Variants in ELP4 observed in about 807,000 individuals in gnomAD.
The protein encoded by ELP4 is elongator complex protein 4.
ELP4 carries 51 observed loss-of-function variants against 48.9 expected under a neutral mutation model. That is an observed-to-expected ratio of 1.04 (90% CI 0.83 to 1.32). The LOEUF (loss-of-function observed/expected upper bound fraction) is 1.32, where lower values mean the gene tolerates loss of function less well. Among genes scored for constraint, ELP4 ranks in the 40% most tolerant of loss-of-function variants. The pLI, the probability that ELP4 is intolerant of heterozygous loss-of-function variation, is 0.00. For missense variants in ELP4, 519 were observed against 514.6 expected, an observed-to-expected ratio of 1.01 and a Z score of -0.08; for synonymous variants, 210 against 189.2, an observed-to-expected ratio of 1.11 and a Z score of -0.90.
intron 9 of ELP4, among the ~76,000 whole-genome samples, chr11:31,705,674 C>A (rs1158670607): frequency 3.9e-5 from 6 of 152,222 alleles, no homozygotes; most frequent in African/African-American, 1.4e-4. Context: ...TTAGTTCTAA[C>A]TTTCTCTTAA....
chr11:31,731,095 T>C (rs1592260714), intron 9 of ELP4, among the ~76,000 whole-genome samples: 2 of 152,192 alleles, frequency 1.3e-5, no homozygotes, highest in Non-Finnish European at 2.9e-5. Context: ...CAAAAGTCTT[T>C]CTCTGTACAA....
chr11:31,753,661 A>C (rs1019658644), intron 9 of ELP4, among the ~76,000 whole-genome samples: 2 of 152,252 alleles, frequency 1.3e-5, no homozygotes, highest in African/African-American at 4.8e-5. Context: ...ACTTCAGCAC[A>C]TAAATAAGAA....
chr11:31,601,482 T>G (rs1053922334), intron 4 of ELP4, among the ~76,000 whole-genome samples: 5 of 152,140 alleles, frequency 3.3e-5, no homozygotes, highest in Non-Finnish European at 7.4e-5. Context: ...TTTTACATTT[T>G]AATGAATTAT....
chr11:31,640,977 C>A (rs1945083261), intron 7 of ELP4, among the ~76,000 whole-genome samples: 1 of 151,872 alleles, frequency 6.6e-6, no homozygotes, highest in Admixed American at 6.6e-5. Flanking sequence ...AAAAGCTGAT[C>A]CCTCCTGTTC....
At chr11:31,652,929 A>G (rs1945352779) in intron 9 of ELP4, 1 of 151,636 alleles carries the variant, frequency 6.6e-6, no homozygotes, top group African/African-American at 2.4e-5. Flanking sequence ...ACTTTTTTTT[A>G]ATTTGTTAAG....
At chr11:31,722,242 G>C (rs1372238715) in intron 9 of ELP4, among the ~76,000 whole-genome samples, 1 of 152,150 alleles carries the variant, frequency 6.6e-6, no homozygotes, top group East Asian at 1.9e-4. Flanking sequence ...GTTGTTGTCT[G>C]TTTCCAATGT....
At chr11:31,520,133 T>C (rs759484723) in intron 2 of ELP4, 42 bp downstream of exon 2, 18 of 1,546,986 alleles carry the variant, frequency 1.2e-5, no homozygotes, top group Non-Finnish European at 1.5e-5. Flanking sequence ...TATCATTGTT[T>C]TCTGTTGTGC....
chr11:31,553,849 G>A (rs1242822426), intron 3 of ELP4, among the ~76,000 whole-genome samples: 1 of 151,878 alleles, frequency 6.6e-6, no homozygotes, highest in Non-Finnish European at 1.5e-5. Flanking sequence ...CCCAGCCATG[G>A]ATCAGTACTG....
chr11:31,518,059 A>G (rs1457426728), intron 1 of ELP4, among the ~76,000 whole-genome samples: 1 of 152,156 alleles, frequency 6.6e-6, no homozygotes, highest in Non-Finnish European at 1.5e-5. Context: ...AGCAAAGTAT[A>G]AGTACTCAAA....
At chr11:31,711,951 A>G (rs2134172622) in intron 9 of ELP4, among the ~76,000 whole-genome samples, 1 of 152,166 alleles carries the variant, frequency 6.6e-6, no homozygotes, top group East Asian at 1.9e-4. Context: ...TTACATTTTT[A>G]TTAACACTTG....
intron 9 of ELP4, among the ~76,000 whole-genome samples, chr11:31,690,818 C>A (rs572155484): frequency 7.4e-6 from 1 of 135,464 alleles, no homozygotes; most frequent in Non-Finnish European, 1.6e-5. Flanking sequence ...TTTTTTTTGC[C>A]GCAGAAAGCA....
At position 31,594,945 on chromosome 11, in the gene ELP4, TG is replaced by T. The variant is rs778475422; in HGVS notation, c.513+45del. 46 of 1,511,762 alleles carry T rather than the reference TG, an allele frequency of 3.0e-5. No homozygotes were observed. The South Asian group carries it at 6.0e-4, about 20-fold the overall frequency. 93.6% of individuals were successfully genotyped at this position (1,511,762 alleles called of 1,614,324 possible). A position where few individuals can be genotyped will look rare whatever the true frequency, so the allele number is the denominator to read the frequency against. On this transcript the variant is annotated intron_variant, in intron 4 of 9. Coordinates refer to ENST00000640961, the MANE Select transcript of ELP4 (RefSeq NM_019040.5). ...TCTTTCCAAAATTTGCAAATGCATT[TG>T]TTTTCATCTTACAGAATCTCTTGTG...
chr11:31,649,052 G>T (rs1192661486), intron 8 of ELP4: 1 of 151,652 alleles, frequency 6.6e-6, no homozygotes, highest in Non-Finnish European at 1.5e-5. Context: ...GCCAAAAGCT[G>T]TCTTCTTGAA....
At chr11:31,687,738 C>T (rs1946191643) in intron 9 of ELP4, 1 of 152,096 alleles carries the variant, frequency 6.6e-6, no homozygotes, top group Non-Finnish European at 1.5e-5. Context: ...AATTATTTTG[C>T]TTTTTCCACT....
chr11:31,745,793 A>G (rs555123646), intron 9 of ELP4, among the ~76,000 whole-genome samples: 1 of 152,366 alleles, frequency 6.6e-6, no homozygotes, highest in East Asian at 1.9e-4. Flanking sequence ...AAACCCTAGA[A>G]GAAAACCTAG....
chr11:31,636,930 T>C (rs1472449556), intron 7 of ELP4, among the ~76,000 whole-genome samples: 2 of 151,980 alleles, frequency 1.3e-5, no homozygotes, highest in Admixed American at 1.3e-4. Flanking sequence ...ATTTTCCCTT[T>C]GAAGTAATAT....
At chr11:31,741,833 C>T (rs573020736) in intron 9 of ELP4, among the ~76,000 whole-genome samples, 1 of 152,318 alleles carries the variant, frequency 6.6e-6, no homozygotes, top group South Asian at 2.1e-4. Flanking sequence ...CTAAAAATCA[C>T]AGCGCCTCTC....
chr11:31,565,666 G>C (rs887983127), intron 3 of ELP4, among the ~76,000 whole-genome samples: 3 of 149,342 alleles, frequency 2.0e-5, no homozygotes, highest in South Asian at 2.1e-4. Flanking sequence ...TCAGGTTTGT[G>C]AAAGATCAGA....
intron 2 of ELP4, among the ~76,000 whole-genome samples, chr11:31,522,104 C>T (rs554333911): frequency 6.6e-6 from 1 of 152,180 alleles, no homozygotes; most frequent in East Asian, 1.9e-4. Context: ...CATTAAAGTA[C>T]TGTTTAAGAC....
Sources: gnomAD v4.1 joint callset for allele counts (sites outside exome capture counted in the v4.1 genomes callset) on GRCh38, gnomAD v4.1.1 for gene constraint, MANE v1.5 for transcripts, NCBI Gene and HGNC (gene_info 2026-07-23, HGNC 2026-07-21) for gene names.